KIF16B: variants seen among roughly 807,000 people sequenced by gnomAD.
The protein encoded by KIF16B is kinesin-like protein KIF16B.
KIF16B carries 98 observed loss-of-function variants against 156.3 expected under a neutral mutation model. The observed-to-expected ratio is 0.63, with a 90% CI of 0.53 to 0.74. The LOEUF (loss-of-function observed/expected upper bound fraction) is 0.74, where lower values mean the gene tolerates loss of function less well. Among genes scored for constraint, KIF16B ranks in the 30% least tolerant of loss-of-function variants. The pLI is 0.00. For missense variants in KIF16B, 1,421 were observed against 1,606.5 expected (o/e 0.88, Z 1.97); for synonymous variants, 564 against 583.7 (o/e 0.97, Z 0.49).
chr20:16,433,417 T>G (rs1023219528), intron 12 of KIF16B, among the ~76,000 whole-genome samples: 2 of 152,144 alleles, frequency 1.3e-5, no homozygotes, highest in African/African-American at 4.8e-5. Context: ...CAGAAAGTGC[T>G]TTGGACTACA....
At chr20:16,286,132 T>C (rs547537489) in intron 25 of KIF16B, among the ~76,000 whole-genome samples, 194 of 152,274 alleles carry the variant, frequency 1.3e-3, no homozygotes, top group Admixed American at 2.1e-3. Context: ...CTTAACACAG[T>C]GTCTCGTACA....
intron 14 of KIF16B, among the ~76,000 whole-genome samples, chr20:16,428,649 T>C (rs2066422092): frequency 6.6e-6 from 1 of 152,110 alleles, no homozygotes; most frequent in Non-Finnish European, 1.5e-5. Context: ...TGAGACAATG[T>C]AGAGTGATTT....
chr20:16,356,295 C>T (rs1246345338), intron 23 of KIF16B, 35 bp downstream of exon 23: 2 of 1,613,476 alleles, frequency 1.2e-6, no homozygotes, highest in African/African-American at 1.3e-5. Flanking sequence ...TAGTCTCCAA[C>T]CTCCATTCTC....
At chr20:16,538,416 G>A (rs1373268235) in intron 1 of KIF16B, among the ~76,000 whole-genome samples, 1 of 152,160 alleles carries the variant, frequency 6.6e-6, no homozygotes, top group Non-Finnish European at 1.5e-5. Context: ...TTTGATAATA[G>A]GGAAAAATGA....
intron 25 of KIF16B, among the ~76,000 whole-genome samples, chr20:16,288,607 TG>T (rs1296053287): frequency 6.8e-6 from 1 of 148,010 alleles, no homozygotes; most frequent in Non-Finnish European, 1.5e-5. Flanking sequence ...CCATCATAAG[TG>T]GAAGAGCATC....
chr20:16,291,679 G>A (rs991113881), intron 25 of KIF16B, among the ~76,000 whole-genome samples: 8 of 152,186 alleles, frequency 5.3e-5, no homozygotes, highest in Non-Finnish European at 1.2e-4. Context: ...TTGACACCCA[G>A]TTTCTGCCAC....
chr20:16,563,342 G>C (rs117810877), intron 1 of KIF16B, among the ~76,000 whole-genome samples: 1 of 152,126 alleles, frequency 6.6e-6, no homozygotes, highest in African/African-American at 2.4e-5. Flanking sequence ...TAACCTGAAC[G>C]TGAGGAAAGG....
At chr20:16,476,486 G>A (rs186241293) in intron 12 of KIF16B, among the ~76,000 whole-genome samples, 1 of 152,252 alleles carries the variant, frequency 6.6e-6, no homozygotes, top group East Asian at 1.9e-4. Flanking sequence ...AAGACATCTT[G>A]TTAAATTTAA....
chr20:16,356,437 A>G lies in KIF16B; in HGVS notation c.3514T>C (p.Ser1172Pro). ...AGGTCATCTGGATTTGCGCCCAAAG[A>G]GCGAGAAACCATCCGCTATCAAAGG... ...KLKYERMVSR[S>P]LGANPDDLKD... is the part of the protein sequence containing the mutation. The change falls in exon 23 of 26, where the codon TCT becomes CCT. Residue 1172 changes from serine (S) to proline (P), a missense_variant. Ser to Pro is a moderately conservative substitution (Grantham distance 74). Coordinates refer to ENST00000354981, the MANE Select transcript of KIF16B (RefSeq NM_024704.5). 6.2e-7 allele frequency: 1 copy of G among 1,614,148 alleles called. No individual in the cohort carries two copies. Among genetic ancestry groups the G allele is most frequent in the Non-Finnish European group, 8.5e-7 (1 of 1,179,984 alleles).
In KIF16B at chr20:16,297,459, G is replaced by C. The variant is rs147632949; in HGVS notation, c.3795+14876C>G. ...TGTAATCCCAGCACTTGGGGAGGCTGAGGCGGGCACATCACGAGGTCAGGA... is the reference window on the plus strand; with the variant it reads ...TGTAATCCCAGCACTTGGGGAGGCTCAGGCGGGCACATCACGAGGTCAGGA... On this transcript the variant is annotated intron_variant, in intron 25 of 25. Coordinates refer to ENST00000354981, the MANE Select transcript of KIF16B (RefSeq NM_024704.5). 9.4e-3 allele frequency among the ~76,000 whole-genome samples: 1,433 copies of C among 152,322 alleles called. 21 individuals carry two copies. The highest frequency in any genetic ancestry group is 0.033 in the African/African-American group (1,372 of 41,574).
chr20:16,539,814 T>C (rs2147223184), intron 1 of KIF16B, among the ~76,000 whole-genome samples: 1 of 152,364 alleles, frequency 6.6e-6, no homozygotes, highest in African/African-American at 2.4e-5. Context: ...ATTCAGCAAT[T>C]CAAATTGATT....
chr20:16,487,409 C>T (rs1055976609), intron 12 of KIF16B, among the ~76,000 whole-genome samples: 1 of 152,086 alleles, frequency 6.6e-6, no homozygotes, highest in East Asian at 1.9e-4. Flanking sequence ...AAACCTGACC[C>T]GCCTACAAGC....
intron 22 of KIF16B, among the ~76,000 whole-genome samples, chr20:16,358,045 C>T (rs752500331): frequency 6.6e-6 from 1 of 152,036 alleles, no homozygotes; most frequent in Non-Finnish European, 1.5e-5. Flanking sequence ...AAAAAGTAGT[C>T]GGGAGTGGTG....
chr20:16,547,910 G>A (rs2070477323), intron 1 of KIF16B, among the ~76,000 whole-genome samples: 1 of 152,066 alleles, frequency 6.6e-6, no homozygotes, highest in Non-Finnish European at 1.5e-5. Context: ...GAATCTCCTG[G>A]GGCTTTAAAA....
intron 25 of KIF16B, among the ~76,000 whole-genome samples, chr20:16,284,359 A>T (rs538000735): frequency 6.6e-6 from 1 of 152,338 alleles, no homozygotes; most frequent in Non-Finnish European, 1.5e-5. Flanking sequence ...TTTCAAAACA[A>T]CTTGCAAACC....
At chr20:16,557,443 G>A (rs907106242) in intron 1 of KIF16B, among the ~76,000 whole-genome samples, 1 of 152,134 alleles carries the variant, frequency 6.6e-6, no homozygotes, top group African/African-American at 2.4e-5. Context: ...GCCTCCCAAA[G>A]TGCTGGGATT....
intron 25 of KIF16B, among the ~76,000 whole-genome samples, chr20:16,288,810 A>C (rs1411119751): frequency 6.6e-6 from 1 of 152,016 alleles, no homozygotes; most frequent in Non-Finnish European, 1.5e-5. Flanking sequence ...CACAGTATGT[A>C]CTGGTGATAA....
intron 12 of KIF16B, among the ~76,000 whole-genome samples, chr20:16,436,427 C>T (rs753969925): frequency 1.3e-5 from 2 of 152,120 alleles, no homozygotes; most frequent in South Asian, 2.1e-4. Context: ...AGGATGCCCT[C>T]GAGCTTCTTA....
chr20:16,381,869 A>T, intron 17 of KIF16B, 122 bp from the exon 18 acceptor site: 2 of 842,196 alleles, frequency 2.4e-6, no homozygotes, highest in Non-Finnish European at 3.6e-6. Flanking sequence ...ACTTTTAATT[A>T]CCACGGGTTA....
Sources: allele counts gnomAD v4.1 joint callset (sites outside exome capture counted in the v4.1 genomes callset), GRCh38; gene constraint gnomAD v4.1.1; transcripts MANE v1.5; gene names NCBI Gene and HGNC (gene_info 2026-07-23, HGNC 2026-07-21).